MARCHF1: variants seen among roughly 807,000 people sequenced by gnomAD.
MARCHF1 encodes membrane associated ring-CH-type finger 1, also known as E3 ubiquitin-protein ligase MARCHF1.
A neutral mutation model predicts 54.2 loss-of-function variants in MARCHF1; 40 were observed. That is an observed-to-expected ratio of 0.74 (90% CI 0.57 to 0.96). The LOEUF (loss-of-function observed/expected upper bound fraction) is 0.96. Among genes scored for constraint, MARCHF1 ranks in the 40% least tolerant of loss-of-function variants. MARCHF1 has a pLI of 0.00. For synonymous variants in MARCHF1, 236 were observed against 236.3 expected (o/e 1.00, Z 0.01); for missense variants, 586 against 656.5 (o/e 0.89, Z 1.17).
intron 3 of MARCHF1, among the ~76,000 whole-genome samples, chr4:163,897,265 T>C (rs1320055233): frequency 1.3e-5 from 2 of 152,178 alleles, no homozygotes; most frequent in African/African-American, 2.4e-5. Context: ...TTCAACCTCA[T>C]TGGGATATAC....
At chr4:163,633,203 C>T (rs945413225) in intron 5 of MARCHF1, among the ~76,000 whole-genome samples, 25 of 152,312 alleles carry the variant, frequency 1.6e-4, no homozygotes, top group Non-Finnish European at 2.8e-4. Context: ...CCTCCTCCAA[C>T]GGAACTCAGC....
chr4:163,824,759 T>A (rs1362136498), intron 4 of MARCHF1, among the ~76,000 whole-genome samples: 1 of 86,890 alleles, frequency 1.2e-5, no homozygotes, highest in African/African-American at 3.6e-5. Context: ...AGGGCTAATA[T>A]CCAGAATCTA....
chr4:164,243,737 G>T (rs1732850360), intron 1 of MARCHF1, among the ~76,000 whole-genome samples: 1 of 152,158 alleles, frequency 6.6e-6, no homozygotes. Flanking sequence ...GACATACATA[G>T]CCTCAAAATA....
intron 4 of MARCHF1, among the ~76,000 whole-genome samples, chr4:163,762,409 A>AAT (rs1746853000): frequency 1.3e-5 from 2 of 152,154 alleles, no homozygotes; most frequent in African/African-American, 4.8e-5. Context: ...AATTACCTGG[A>AAT]ATATGTATTT....
chr4:163,652,329 T>C (rs542147919), intron 5 of MARCHF1, among the ~76,000 whole-genome samples: 3 of 152,004 alleles, frequency 2.0e-5, no homozygotes, highest in African/African-American at 7.2e-5. Flanking sequence ...TTGCAGTGGC[T>C]GGCAAAGACA....
chr4:163,651,752 T>C (rs1742974980), intron 5 of MARCHF1, among the ~76,000 whole-genome samples: 1 of 151,714 alleles, frequency 6.6e-6, no homozygotes, highest in Non-Finnish European at 1.5e-5. Flanking sequence ...ATTTTGTTAC[T>C]TTTTCCTCCT....
intron 1 of MARCHF1, among the ~76,000 whole-genome samples, chr4:164,241,047 A>G (rs2111207777): frequency 6.6e-6 from 1 of 152,218 alleles, no homozygotes; most frequent in Middle Eastern, 3.4e-3. Context: ...GTAAAACCTA[A>G]GATTGGTCTT....
chr4:164,215,704 A>AAAGATTTAGG (rs1731911077), intron 1 of MARCHF1, among the ~76,000 whole-genome samples: 1 of 152,190 alleles, frequency 6.6e-6, no homozygotes, highest in Admixed American at 6.5e-5. Flanking sequence ...TTGAAATTTA[A>AAAGATTTAGG]AAGATTTAGG....
At chr4:163,908,136 T>C (rs767835824) in intron 3 of MARCHF1, among the ~76,000 whole-genome samples, 10 of 152,162 alleles carry the variant, frequency 6.6e-5, no homozygotes, top group Non-Finnish European at 1.3e-4. Context: ...AATATCCAGA[T>C]AAAGAAGGTT....
chr4:163,868,525 T>A (rs1020212522), intron 3 of MARCHF1, among the ~76,000 whole-genome samples: 25 of 151,976 alleles, frequency 1.6e-4, no homozygotes, highest in Admixed American at 4.6e-4. Flanking sequence ...ATTAGGAGCT[T>A]TAAAAGAGTT....
At chr4:163,997,209 T>C (rs1226035471) in intron 2 of MARCHF1, among the ~76,000 whole-genome samples, 1 of 151,974 alleles carries the variant, frequency 6.6e-6, no homozygotes, top group African/African-American at 2.4e-5. Context: ...TATGAACCAG[T>C]GTTTGCATTT....
At chr4:163,929,122 A>C (rs1751600074) in intron 3 of MARCHF1, among the ~76,000 whole-genome samples, 1 of 152,050 alleles carries the variant, frequency 6.6e-6, no homozygotes, top group Non-Finnish European at 1.5e-5. Flanking sequence ...TCTCTCATCA[A>C]ACTTTCATTG....
chr4:163,891,668 C>G (rs937588900), intron 3 of MARCHF1, among the ~76,000 whole-genome samples: 2 of 152,158 alleles, frequency 1.3e-5, no homozygotes, highest in African/African-American at 4.8e-5. Context: ...CTCTTTCCCC[C>G]TGAATTGAGC....
chr4:164,375,027 C>T (rs1731147628), intron 1 of MARCHF1, among the ~76,000 whole-genome samples: 1 of 152,052 alleles, frequency 6.6e-6, no homozygotes, highest in Non-Finnish European at 1.5e-5. Flanking sequence ...AAATATAGCT[C>T]TAAGTGGAAA....
At chr4:164,220,030 A>G (rs1732046596) in intron 1 of MARCHF1, among the ~76,000 whole-genome samples, 1 of 151,854 alleles carries the variant, frequency 6.6e-6, no homozygotes, top group Admixed American at 6.6e-5. Flanking sequence ...GTATGTATCT[A>G]AACTAGCAAT....
At chr4:163,910,024 C>A (rs1254951526) in intron 3 of MARCHF1, among the ~76,000 whole-genome samples, 2 of 152,086 alleles carry the variant, frequency 1.3e-5, no homozygotes, top group Non-Finnish European at 2.9e-5. Context: ...TTAATTGTAT[C>A]TCACCTAGGA....
chr4:164,318,425 C>A (rs1735056965), intron 1 of MARCHF1, among the ~76,000 whole-genome samples: 1 of 152,096 alleles, frequency 6.6e-6, no homozygotes, highest in Non-Finnish European at 1.5e-5. Context: ...CATACTGCCA[C>A]ACATAATTCA....
chr4:164,157,622 T>A (rs1730112205), intron 1 of MARCHF1, among the ~76,000 whole-genome samples: 1 of 152,136 alleles, frequency 6.6e-6, no homozygotes, highest in Admixed American at 6.6e-5. Flanking sequence ...CTACTTTGTC[T>A]CTGTCTAGCA....
intron 1 of MARCHF1, among the ~76,000 whole-genome samples, chr4:164,193,033 A>C (rs911218777): frequency 6.6e-6 from 1 of 152,126 alleles, no homozygotes; most frequent in African/African-American, 2.4e-5. Context: ...ATATAGCTAA[A>C]TTCTTACTCA....
Sources: allele counts gnomAD v4.1 joint callset (sites outside exome capture counted in the v4.1 genomes callset), GRCh38; gene constraint gnomAD v4.1.1; transcripts MANE v1.5; gene names NCBI Gene and HGNC (gene_info 2026-07-23, HGNC 2026-07-21).